Variants in SPAG16 observed in about 807,000 individuals in gnomAD.
SPAG16 encodes sperm-associated antigen 16 protein.
Under a neutral mutation model 80.4 loss-of-function variants are expected in SPAG16, and 86 were observed. That is an observed-to-expected ratio of 1.07 (90% CI 0.90 to 1.28). The LOEUF is 1.28. Ranked by LOEUF, SPAG16 falls within the 50% of genes most tolerant of loss-of-function variation. The pLI is 0.00. For synonymous variants in SPAG16, 294 were observed against 265.9 expected, an observed-to-expected ratio of 1.11 and a Z score of -1.03; for missense variants, 870 against 765.3, an observed-to-expected ratio of 1.14 and a Z score of -1.61.
intron 11 of SPAG16, among the ~76,000 whole-genome samples, chr2:213,922,666 T>C (rs2078278674): frequency 6.6e-6 from 1 of 152,238 alleles, no homozygotes; most frequent in South Asian, 2.1e-4. Context: ...CTGATGTTCC[T>C]TCAGTCTTTA....
intron 15 of SPAG16, among the ~76,000 whole-genome samples, chr2:214,379,344 A>T (rs1700317662): frequency 6.6e-6 from 1 of 152,226 alleles, no homozygotes; most frequent in African/African-American, 2.4e-5. Flanking sequence ...ATTACAGAAG[A>T]GGAAATTTGA....
At chr2:214,266,747 G>A (rs1691604059) in intron 15 of SPAG16, among the ~76,000 whole-genome samples, 1 of 151,002 alleles carries the variant, frequency 6.6e-6, no homozygotes, top group Non-Finnish European at 1.5e-5. Flanking sequence ...AAAGTTTCAG[G>A]ATACAAAATC....
At chr2:213,893,334 G>GA (rs945956178) in intron 11 of SPAG16, among the ~76,000 whole-genome samples, 55 of 150,544 alleles carry the variant, frequency 3.7e-4, no homozygotes, top group Middle Eastern at 3.2e-3. Context: ...CCATCTGAAA[G>GA]AAAAAAAAAT....
chr2:213,998,910 G>A (rs2046656205), intron 12 of SPAG16, among the ~76,000 whole-genome samples: 1 of 152,094 alleles, frequency 6.6e-6, no homozygotes, highest in African/African-American at 2.4e-5. Context: ...AGATGATTTA[G>A]GGTATCTGGT....
chr2:214,130,185 C>T (rs905433715), intron 14 of SPAG16, among the ~76,000 whole-genome samples: 2 of 152,094 alleles, frequency 1.3e-5, no homozygotes, highest in African/African-American at 2.4e-5. Context: ...GCTTCCAAGC[C>T]CCAAACTGGA....
At chr2:213,948,723 C>A (rs2079576967) in intron 12 of SPAG16, among the ~76,000 whole-genome samples, 1 of 152,060 alleles carries the variant, frequency 6.6e-6, no homozygotes, top group South Asian at 2.1e-4. Context: ...TAATCTGATG[C>A]CATATTATTT....
At chr2:214,287,973 G>GCTAA (rs1379142939) in intron 15 of SPAG16, among the ~76,000 whole-genome samples, 1 of 152,062 alleles carries the variant, frequency 6.6e-6, no homozygotes, top group Non-Finnish European at 1.5e-5. Context: ...TACATTTGTT[G>GCTAA]CTAACTATAA....
intron 10 of SPAG16, among the ~76,000 whole-genome samples, chr2:213,525,107 G>A (rs527757350): frequency 1.4e-3 from 218 of 152,064 alleles, no homozygotes; most frequent in Non-Finnish European, 2.7e-3. Context: ...TAGTGAGTGT[G>A]TTCTTACAAC....
chr2:213,669,041 C>T (rs190895525), intron 10 of SPAG16, among the ~76,000 whole-genome samples: 176 of 152,192 alleles, frequency 1.2e-3, no homozygotes, highest in African/African-American at 4.0e-3. Context: ...TTTTGCTAAC[C>T]AGATAAAAAT....
intron 11 of SPAG16, among the ~76,000 whole-genome samples, chr2:213,886,011 G>A (rs2076541025): frequency 2.0e-5 from 3 of 152,154 alleles, no homozygotes; most frequent in African/African-American, 7.2e-5. Context: ...AGACAGCCAT[G>A]TAAAAATATG....
intron 12 of SPAG16, among the ~76,000 whole-genome samples, chr2:213,934,625 G>T (rs2078910416): frequency 6.6e-6 from 1 of 152,122 alleles, no homozygotes; most frequent in Non-Finnish European, 1.5e-5. Flanking sequence ...TATTAGTTAG[G>T]CACTTGGCTA....
intron 11 of SPAG16, among the ~76,000 whole-genome samples, chr2:213,922,982 G>T (rs1218246367): frequency 6.6e-6 from 1 of 152,170 alleles, no homozygotes; most frequent in Non-Finnish European, 1.5e-5. Flanking sequence ...GCAGAGTTCA[G>T]GCAGAAGTGG....
chr2:213,538,873 A>G (rs1286295535), intron 10 of SPAG16, among the ~76,000 whole-genome samples: 2 of 152,180 alleles, frequency 1.3e-5, no homozygotes, highest in Non-Finnish European at 2.9e-5. Flanking sequence ...ATCCACATAC[A>G]TACAGACACA....
At chr2:214,104,348 G>A (rs1260987004) in intron 13 of SPAG16, among the ~76,000 whole-genome samples, 1 of 152,138 alleles carries the variant, frequency 6.6e-6, no homozygotes, top group African/African-American at 2.4e-5. Context: ...TTGGCTGTAT[G>A]CAGGAGCGTG....
intron 10 of SPAG16, among the ~76,000 whole-genome samples, chr2:213,525,337 G>C (rs369034614): frequency 6.5e-4 from 84 of 130,032 alleles, no homozygotes; most frequent in Middle Eastern, 0.013. Context: ...CACCCAGGCT[G>C]GAGTGCAGTG....
rs374934197 is a variant in SPAG16 at position 214,318,445 on chromosome 2, G to A, written c.1721-91695G>A. 7.1e-3 allele frequency among the ~76,000 whole-genome samples: 998 copies of A among 140,766 alleles called. 5 individuals are homozygous for A. The highest frequency in any genetic ancestry group is 0.011 in the Non-Finnish European group (712 of 66,530). 92.3% of individuals were successfully genotyped at this position (140,766 alleles called of 152,430 possible). On this transcript the variant is annotated intron_variant, in intron 15 of 15. Coordinates refer to ENST00000331683, the MANE Select transcript of SPAG16 (RefSeq NM_024532.5). ...TGCCCAGGCTGGAGTGCAGTGGTGC[G>A]ATCTCAGCTCGCTGCAACCTCCGCC...
At chr2:213,675,159 G>T (rs562593606) in intron 10 of SPAG16, among the ~76,000 whole-genome samples, 7 of 152,306 alleles carry the variant, frequency 4.6e-5, no homozygotes, top group East Asian at 1.9e-4. Flanking sequence ...GTTTTCATGC[G>T]TATTTTGGCT....
chr2:213,633,943 T>A (rs1482155274), intron 10 of SPAG16, among the ~76,000 whole-genome samples: 2 of 152,110 alleles, frequency 1.3e-5, no homozygotes, highest in Admixed American at 1.3e-4. Flanking sequence ...TTCTTAGGAA[T>A]AGATCCATTA....
At chr2:213,521,478 G>A (rs1281172469) in intron 10 of SPAG16, among the ~76,000 whole-genome samples, 1 of 152,170 alleles carries the variant, frequency 6.6e-6, no homozygotes, top group African/African-American at 2.4e-5. Context: ...TCTCCCCTGA[G>A]AGCTTTTGCT....
Sources: gnomAD v4.1 joint callset for allele counts (sites outside exome capture counted in the v4.1 genomes callset) on GRCh38, gnomAD v4.1.1 for gene constraint, MANE v1.5 for transcripts, NCBI Gene and HGNC (gene_info 2026-07-23, HGNC 2026-07-21) for gene names.